Variants in CPSF1 observed in about 807,000 individuals in gnomAD.
CPSF1 encodes the protein cleavage and polyadenylation specificity factor subunit 1.
A neutral mutation model predicts 175.8 loss-of-function variants in CPSF1; 106 were observed. The ratio of observed to expected loss-of-function variants is 0.60; its 90% CI spans 0.52 to 0.71. The LOEUF (loss-of-function observed/expected upper bound fraction) is 0.71. Ranked by LOEUF, CPSF1 falls within the 30% of genes least tolerant of loss-of-function variation. The probability of loss-of-function intolerance (pLI) is 0.00; values close to 1 mark genes in which losing one functional copy is unlikely to be tolerated. For synonymous variants in CPSF1, 1,024 were observed against 858.3 expected (o/e 1.19, Z -3.37); for missense variants, 1,734 against 2,022.9 (o/e 0.86, Z 2.74).
rs2116913650 is a variant in CPSF1, at chr8:144,409,185, G to A, written c.-14-13C>T. 3.8e-6 allele frequency: 6 copies of A among 1,576,722 alleles called. No homozygotes were observed. Among genetic ancestry groups the A allele is most frequent in the African/African-American group, 2.7e-5 (2 of 73,572 alleles). On this transcript the variant is annotated splice_polypyrimidine_tract_variant and intron_variant, in intron 1 of 37. Transcript: ENST00000616140. ...GCGCCAACCCGGGCTGCGCAAGGCC[G>A]GGAGAGGAAGGGTGAGCGGGGTCGC...
In CPSF1 at chr8:144,395,035, A is replaced by G. The variant is rs1564685178; in HGVS notation, c.3273-12T>C. 2 of 1,605,546 alleles carry G rather than the reference A, an allele frequency of 1.2e-6. No homozygotes were observed. ...CCTGCAGCTCGATCCTGTGGGGGCC[A>G]GGGGCCTCAGGATGCTGCCTGGAGG... On this transcript the variant is annotated splice_polypyrimidine_tract_variant and intron_variant, in intron 29 of 37. Transcript: ENST00000616140.
chr8:144,408,666 T>A (rs28378703), intron 2 of CPSF1, among the ~76,000 whole-genome samples: 1 of 152,174 alleles, frequency 6.6e-6, no homozygotes, highest in Non-Finnish European at 1.5e-5. Context: ...ATTTAGATGT[T>A]CCCCTTCCCC....
rs782776996 is a variant in CPSF1 at position 144,393,929 on chromosome 8, G to A, written c.3969C>T (p.Leu1323=). ...RTPCRGATEG[L]SKKSVVWENK... ...TCTCCCACACGACCGACTTTTTGCT[G>A]AGCCCTTCAGTGGCCCCCCGGCACG... Residue 1323 remains leucine (L), a synonymous_variant, in exon 35 of 38, where the codon CTC becomes CTT. Coordinates refer to ENST00000616140, the MANE Select transcript of CPSF1 (RefSeq NM_013291.3). 2 of 1,613,318 alleles carry A rather than the reference G, an allele frequency of 1.2e-6. No homozygotes were observed. The highest frequency in any genetic ancestry group is 1.1e-5 in the South Asian group (1 of 91,048).
intron 2 of CPSF1, among the ~76,000 whole-genome samples, chr8:144,405,496 C>A (rs782486003): frequency 6.6e-6 from 1 of 152,066 alleles, no homozygotes; most frequent in African/African-American, 2.4e-5. Context: ...TGGTGGCAGG[C>A]GCCTGTAATC....
Position 144,396,754 on chromosome 8 carries a change from C to G in CPSF1, c.2683-13G>C, listed in dbSNP as rs782812611. On this transcript the variant is annotated splice_polypyrimidine_tract_variant and intron_variant, in intron 24 of 37. Coordinates refer to ENST00000616140, the MANE Select transcript of CPSF1 (RefSeq NM_013291.3). The stretch of plus-strand genomic sequence containing the variant: ...TGTTGTGAGGGACCTGGGGGGGAAC[C>G]ATGCAGGTCCTCCAGGGGCTGCCGG... 2.5e-6 allele frequency: 4 copies of G among 1,613,616 alleles called. No individual in the cohort carries two copies. The highest frequency in any genetic ancestry group is 3.4e-6 in the Non-Finnish European group (4 of 1,179,798).
chr8:144,396,454 CG>C lies in CPSF1; in HGVS notation c.2872del (p.Arg958GlufsTer39). The C allele has an allele frequency of 6.2e-7, 1 of 1,600,540 alleles. No homozygotes were observed. The highest frequency in any genetic ancestry group is 8.5e-7 in the Non-Finnish European group (1 of 1,174,802). ...PSPHWLLVTG[R>X]GALRLHPMAI... ...CATGGGGTGTAGCCGCAGAGCCCCT[CG>C]GCCGGTCACCAAGAGCCAGTGAGGG... On this transcript the variant is annotated frameshift_variant, in exon 26 of 38. Transcript: ENST00000616140. LOFTEE classifies it high-confidence loss of function.
chr8:144,393,443 C>T lies in CPSF1; in HGVS notation c.4284+9G>A, dbSNP rs1482908404. On this transcript the variant is annotated intron_variant, in intron 37 of 37. Transcript: ENST00000616140. Reference sequence around the variant, plus strand: ...GGCGGGGCGCGCGGGGGGCGGGGCGCGCACTCACTATGTCTGGTGTGGTGC... The same window carrying T: ...GGCGGGGCGCGCGGGGGGCGGGGCGTGCACTCACTATGTCTGGTGTGGTGC... The T allele has an allele frequency of 2.6e-6, 4 of 1,545,120 alleles. No individual in the cohort carries two copies. Among genetic ancestry groups the T allele is most frequent in the African/African-American group, 1.4e-5 (1 of 72,580 alleles).
At chr8:144,393,645 C>G in intron 36 of CPSF1, 22 bp downstream of exon 36, 1 of 1,566,540 alleles carries the variant, frequency 6.4e-7, no homozygotes, top group Non-Finnish European at 8.6e-7. Context: ...GGGTGCTGCA[C>G]GGGGGCGGGG....
In CPSF1 at chr8:144,399,594, G is replaced by A. The variant is rs184179160; in HGVS notation, c.1236C>T (p.Ala412=). The A allele has an allele frequency of 8.1e-5, 131 of 1,610,472 alleles. 1 individual carries two copies. The East Asian group carries it at 2.6e-3, about 32-fold the overall frequency. The change falls in exon 12 of 38, where the codon GCC becomes GCT. Residue 412 remains alanine, a synonymous_variant. Coordinates refer to ENST00000616140, the MANE Select transcript of CPSF1 (RefSeq NM_013291.3). This position sits in a 1 kb window ranked among gnomAD's most constrained non-coding sequence, Gnocchi z 6.4. The stretch of plus-strand genomic sequence containing the variant: ...ATGGGCCCAGGAAACCCACCTTGTC[G>A]GCAGCCTCACGGACAGCACTGGCCG... ...EPPASAVREA[A]DKEEPPSKKK... is the part of the protein sequence containing the mutation.
chr8:144,405,124 G>C (rs1821424872), intron 2 of CPSF1, among the ~76,000 whole-genome samples: 1 of 152,002 alleles, frequency 6.6e-6, no homozygotes, highest in Non-Finnish European at 1.5e-5. Flanking sequence ...TTCAAAATAA[G>C]TCCCTACAAG....
Position 144,393,472 on chromosome 8 carries a change from T to A in CPSF1, c.4264A>T (p.Ile1422Phe). The A allele has an allele frequency of 1.9e-6, 3 of 1,559,590 alleles. No individual in the cohort carries two copies. Among genetic ancestry groups the A allele is most frequent in the Non-Finnish European group, 8.7e-7 (1 of 1,153,106 alleles). Reference protein sequence around the residue: ...TMERSELAKKIGTTPDIILDD... With the variant: ...TMERSELAKKFGTTPDIILDD... The stretch of plus-strand genomic sequence containing the variant: ...CTCACTATGTCTGGTGTGGTGCCGA[T>A]CTTCTTGGCTAGCTCGCTGCGCTCC... Residue 1422 changes from isoleucine (I) to phenylalanine (F), a missense_variant, in exon 37 of 38, where the codon ATC (isoleucine) becomes TTC (phenylalanine). By Grantham distance (21) the Ile-to-Phe change is conservative. This residue lies in a region of CPSF1 where 323 missense variants were observed against 338.5 expected (regional missense o/e 0.95). Transcript: ENST00000616140.
Position 144,397,759 on chromosome 8 carries a change from G to A in CPSF1, c.2194C>T (p.Leu732=). 6.2e-7 allele frequency: 1 copy of A among 1,607,748 alleles called. No individual in the cohort carries two copies. The highest frequency in any genetic ancestry group is 8.5e-7 in the Non-Finnish European group (1 of 1,176,652). ...CCCACGCACCTAGTCTCTGAGCCCA[G>A]GCCCTCGGCCTCCGGGCCACTGCGG... ...GGRSGPEAEG[L]GSETSPTVDD... Residue 732 remains leucine, a synonymous_variant, in exon 21 of 38, where the codon CTG becomes TTG. Coordinates refer to ENST00000616140, the MANE Select transcript of CPSF1 (RefSeq NM_013291.3).
At chr8:144,407,991 AACT>A (rs1199720418) in intron 2 of CPSF1, among the ~76,000 whole-genome samples, 20 of 152,294 alleles carry the variant, frequency 1.3e-4, no homozygotes, top group African/African-American at 4.1e-4. Context: ...TAGGAGCAGA[AACT>A]CCAGCCCTCG....
chr8:144,408,140 C>T (rs147105469), intron 2 of CPSF1, among the ~76,000 whole-genome samples: 200 of 152,292 alleles, frequency 1.3e-3, no homozygotes, highest in African/African-American at 4.5e-3. Context: ...TCACAACCCT[C>T]TTGTGGCTCC....
intron 37 of CPSF1, 26 bp downstream of exon 37, chr8:144,393,409 ACACGGAGGGGCGGGGCG>A: frequency 6.9e-7 from 1 of 1,453,132 alleles, no homozygotes; most frequent in Non-Finnish European, 9.2e-7. Context: ...GTGGGGATGC[ACACGGAGGGGCGGGGCG>A]CGCGGGGGGC....
At chr8:144,408,898 A>G in intron 2 of CPSF1, 117 bp downstream of exon 2, 2 of 1,269,452 alleles carry the variant, frequency 1.6e-6, no homozygotes, top group Non-Finnish European at 2.2e-6. Flanking sequence ...CCTCAGGCTG[A>G]GGAACGTTAA....
At position 144,398,034 on chromosome 8, in the gene CPSF1, C is replaced by T. The variant is rs782058845; in HGVS notation, c.1993G>A (p.Val665Ile). The T allele has an allele frequency of 8.7e-6, 14 of 1,612,278 alleles. No homozygotes were observed. Among genetic ancestry groups the T allele is most frequent in the East Asian group, 2.2e-5 (1 of 44,882 alleles). ...TCACTCTTCAGCAGGAACATGGTGA[C>T]GTGGCCCTCGGCACTCATGATGACC... is the stretch of plus-strand genomic sequence containing the variant. The part of the protein sequence containing the change: ...YVVIMSAEGH[V>I]TMFLLKSDSY... The change falls in exon 20 of 38, where the codon GTC becomes ATC. Residue 665 changes from valine to isoleucine, a missense_variant. By Grantham distance (29) the Val-to-Ile change is conservative. Around this residue, in one of 10 missense-constraint regions of CPSF1, gnomAD observed 280 missense variants for 349.2 expected, o/e 0.80. Transcript: ENST00000616140.
chr8:144,400,162 T>A lies in CPSF1; in HGVS notation c.937+4A>T. 3 of 392,946 alleles carry A rather than the reference T, an allele frequency of 7.6e-6. No individual in the cohort carries two copies. The highest frequency in any genetic ancestry group is 5.3e-5 in the African/African-American group (1 of 18,722). 24.3% of individuals were successfully genotyped at this position (392,946 alleles called of 1,614,324 possible). A position where few individuals can be genotyped will look rare whatever the true frequency, so the allele number is the denominator to read the frequency against. The stretch of plus-strand genomic sequence containing the variant: ...CCCCCCCGCCCCAGCCACCCCACAC[T>A]CACGAAGCGGGAAAGCCGTGGTTCC... On this transcript the variant is annotated splice_donor_region_variant and intron_variant, in intron 9 of 37. Transcript: ENST00000616140.
Position 144,400,742 on chromosome 8 carries a change from G to A in CPSF1, c.615C>T (p.Asp205=), listed in dbSNP as rs1821155059. The change falls in exon 7 of 38, where the codon GAC becomes GAT. Residue 205 remains aspartate (D), a synonymous_variant. Transcript: ENST00000616140. ...CGTAGTAGCCATGCAGGAACTGCAG[G>A]TCGATGATGTTGAGCAGCTTCTCGT... ...ALDEKLLNII[D]LQFLHGYYEP... is the part of the protein sequence containing the mutation. 3.1e-6 allele frequency: 5 copies of A among 1,613,820 alleles called. No individual in the cohort carries two copies. The highest frequency in any genetic ancestry group is 4.2e-6 in the Non-Finnish European group (5 of 1,179,904).
Sources: gnomAD v4.1 joint callset for allele counts (sites outside exome capture counted in the v4.1 genomes callset) on GRCh38, gnomAD v4.1.1 for gene constraint, gnomAD v4.1.1 regional missense constraint, Gnocchi (gnomAD v3.1) non-coding constraint, MANE v1.5 for transcripts, NCBI Gene and HGNC (gene_info 2026-07-23, HGNC 2026-07-21) for gene names.